The following ZFP2 variants were observed in gnomAD, a reference collection of about 807,000 sequenced individuals.
ZFP2 encodes ZFP2 zinc finger protein.
A neutral mutation model predicts 36.1 loss-of-function variants in ZFP2; 33 were observed. The ratio of observed to expected loss-of-function variants is 0.92; its 90% CI spans 0.69 to 1.22. The LOEUF (loss-of-function observed/expected upper bound fraction) is 1.22, where lower values mean the gene tolerates loss of function less well. ZFP2 is among the 50% of genes most tolerant of loss of function. The pLI is 0.00. For synonymous variants in ZFP2, 170 were observed against 178.0 expected, an observed-to-expected ratio of 0.96 and a Z score of 0.36; for missense variants, 522 against 551.4, an observed-to-expected ratio of 0.95 and a Z score of 0.53.
At chr5:178,910,705 G>A (rs1758279058) in intron 1 of ZFP2, 1 of 284,672 alleles carries the variant, frequency 3.5e-6, no homozygotes, top group Non-Finnish European at 6.9e-6. Flanking sequence ...AGAGGAGCTA[G>A]CCAACAGCTG....
intron 4 of ZFP2, among the ~76,000 whole-genome samples, chr5:178,924,796 C>T (rs901820694): frequency 6.7e-6 from 1 of 148,324 alleles, no homozygotes; most frequent in African/African-American, 2.4e-5. Context: ...AGCAGTAAGC[C>T]GAGATTGCGC....
Position 178,922,739 on chromosome 5 carries a change from A to G in ZFP2, c.-78+6029A>G. On this transcript the variant is annotated intron_variant, in intron 4 of 4. Transcript: ENST00000361362. ...ACAATTAACTGGAGCAAAGGGAGAT[A>G]TTTCTTTGTGCAGATTCTGTAAGGG... The G allele has an allele frequency of 3.9e-6, 6 of 1,556,192 alleles. 1 individual carries two copies. Among genetic ancestry groups the G allele is most frequent in the Non-Finnish European group, 5.3e-6 (6 of 1,139,714 alleles).
chr5:178,898,681 C>T (rs1055105344), intron 1 of ZFP2, among the ~76,000 whole-genome samples: 2 of 152,192 alleles, frequency 1.3e-5, no homozygotes, highest in African/African-American at 4.8e-5. Flanking sequence ...CTCGGGTGAG[C>T]TCATTTTTCC....
At chr5:178,914,297 C>A (rs1024501798) in intron 3 of ZFP2, among the ~76,000 whole-genome samples, 23 of 152,016 alleles carry the variant, frequency 1.5e-4, no homozygotes, top group Non-Finnish European at 3.2e-4. Flanking sequence ...TGCCTGTAAC[C>A]ATCACTGCTG....
rs6869331 is a variant in ZFP2, at chr5:178,897,899, C to T, written c.-450+1925C>T. On this transcript the variant is annotated intron_variant, in intron 1 of 4. Coordinates refer to ENST00000361362, the MANE Select transcript of ZFP2 (RefSeq NM_030613.4). ...TCCAATTCTTGTAGCTTTATGAATA[C>T]TGGTGGGCAAGTTGTCTCTCATCAG... 4.0e-3 allele frequency among the ~76,000 whole-genome samples: 607 copies of T among 152,256 alleles called. 8 individuals are homozygous for T. The highest frequency in any genetic ancestry group is 0.013 in the African/African-American group (547 of 41,526).
chr5:178,917,079 GAT>G (rs1338187079), intron 4 of ZFP2, among the ~76,000 whole-genome samples: 1 of 152,112 alleles, frequency 6.6e-6, no homozygotes, highest in Non-Finnish European at 1.5e-5. Flanking sequence ...TTTGAGAAAA[GAT>G]AGAAATTTTT....
Position 178,912,569 on chromosome 5 carries a change from T to C in ZFP2, c.-449-15T>C, listed in dbSNP as rs992447214. On this transcript the variant is annotated splice_polypyrimidine_tract_variant and intron_variant, in intron 1 of 4. Coordinates refer to ENST00000361362, the MANE Select transcript of ZFP2 (RefSeq NM_030613.4). Reference sequence around the variant, plus strand: ...AGGGTTTGGTTGGCATAATCCCTTATTGAGGAATTTTTAGTTTCAGGAGTC... The same window carrying C: ...AGGGTTTGGTTGGCATAATCCCTTACTGAGGAATTTTTAGTTTCAGGAGTC... 3.9e-5 allele frequency: 34 copies of C among 862,202 alleles called. No homozygotes were observed. Among genetic ancestry groups the C allele is most frequent in the Admixed American group, 6.1e-5 (1 of 16,348 alleles). 53.4% of individuals were successfully genotyped at this position (862,202 alleles called of 1,614,324 possible). A position where few individuals can be genotyped will look rare whatever the true frequency, so the allele number is the denominator to read the frequency against.
At chr5:178,904,575 ATTT>A (rs1235373078) in intron 1 of ZFP2, among the ~76,000 whole-genome samples, 2,073 of 150,264 alleles carry the variant, frequency 0.014, 52 homozygotes, top group African/African-American at 0.047. Context: ...GTTTACATAT[ATTT>A]ATATATGAGT....
intron 4 of ZFP2, 136 bp from the exon 5 acceptor site, chr5:178,931,101 A>G (rs1758824187): frequency 2.1e-6 from 2 of 940,092 alleles, no homozygotes; most frequent in Non-Finnish European, 1.5e-6. Context: ...TTTTGGGTAC[A>G]TGTTTGAAAG....
chr5:178,918,826 A>G (rs1758491616), intron 4 of ZFP2, among the ~76,000 whole-genome samples: 1 of 152,218 alleles, frequency 6.6e-6, no homozygotes, highest in Non-Finnish European at 1.5e-5. Context: ...TGTGCTTTAT[A>G]AAGTCCTTAT....
At chr5:178,908,666 T>C (rs1457912683) in intron 1 of ZFP2, among the ~76,000 whole-genome samples, 2 of 146,690 alleles carry the variant, frequency 1.4e-5, no homozygotes, top group African/African-American at 5.0e-5. Flanking sequence ...ATGGCAGGCT[T>C]ATTCTATCTG....
Sources: gnomAD v4.1 joint callset for allele counts (sites outside exome capture counted in the v4.1 genomes callset) on GRCh38, gnomAD v4.1.1 for gene constraint, MANE v1.5 for transcripts, NCBI Gene and HGNC (gene_info 2026-07-23, HGNC 2026-07-21) for gene names.